Variants in KCNT2 observed in about 807,000 individuals in gnomAD.
The protein encoded by KCNT2 is potassium channel subfamily T member 2.
A neutral mutation model predicts 153.8 loss-of-function variants in KCNT2; 67 were observed. That is an observed-to-expected ratio of 0.44 (90% confidence interval 0.36 to 0.53). The LOEUF (loss-of-function observed/expected upper bound fraction) is 0.53. KCNT2 is among the 20% of genes least tolerant of loss of function. The pLI, the probability that KCNT2 is intolerant of heterozygous loss-of-function variation, is 0.00. For missense variants in KCNT2, 975 were observed against 1,354.8 expected (o/e 0.72, Z 4.40); for synonymous variants, 500 against 458.8 (o/e 1.09, Z -1.15).
intron 14 of KCNT2, 50 bp from the exon 15 acceptor site, chr1:196,342,278 G>A: frequency 6.6e-7 from 1 of 1,512,604 alleles, no homozygotes; most frequent in Non-Finnish European, 9.0e-7. Flanking sequence ...AAAACACAGT[G>A]AATGTGGTTA....
At chr1:196,408,934 T>A (rs1239084918) in intron 12 of KCNT2, among the ~76,000 whole-genome samples, 1 of 151,578 alleles carries the variant, frequency 6.6e-6, no homozygotes, top group Non-Finnish European at 1.5e-5. Context: ...CCTGCATTTT[T>A]ATACAGATTG....
chr1:196,593,566 A>T (rs1046405015), intron 1 of KCNT2, among the ~76,000 whole-genome samples: 10 of 152,048 alleles, frequency 6.6e-5, no homozygotes, highest in Admixed American at 5.2e-4. Context: ...TTTTTGTAAC[A>T]GAAAGGATAA....
chr1:196,569,318 A>T (rs1558088954), intron 1 of KCNT2, among the ~76,000 whole-genome samples: 1 of 152,192 alleles, frequency 6.6e-6, no homozygotes, highest in Non-Finnish European at 1.5e-5. Context: ...AATATTTTTT[A>T]AAAAACACAT....
intron 23 of KCNT2, among the ~76,000 whole-genome samples, chr1:196,284,919 G>T (rs1659518323): frequency 6.6e-6 from 1 of 152,130 alleles, no homozygotes; most frequent in Non-Finnish European, 1.5e-5. Context: ...ATAAAATGCT[G>T]AAATGCTTAA....
In KCNT2 at chr1:196,373,199, G is replaced by A. The variant is rs142018253; in HGVS notation, c.1344C>T (p.Asn448=). 6.3e-7 allele frequency: 1 copy of A among 1,589,736 alleles called. No homozygotes were observed. The highest frequency in any genetic ancestry group is 1.7e-5 in the Admixed American group (1 of 59,622). The change falls in exon 14 of 28, where the codon AAC becomes AAT. Residue 448 remains asparagine (N), a synonymous_variant. Transcript: ENST00000294725. ...EEFKYAMLAL[N]CICPATSTLI... is the part of the protein sequence containing the mutation. ...GTGTAGATGTTGCTGGGCATATACA[G>A]TTTAAAGCTAACATGGCGTATTTAA... is the stretch of plus-strand genomic sequence containing the variant.
intron 8 of KCNT2, among the ~76,000 whole-genome samples, chr1:196,441,985 C>T (rs1358279844): frequency 6.6e-6 from 1 of 151,548 alleles, no homozygotes; most frequent in Admixed American, 6.6e-5. Context: ...TAGATCAAAC[C>T]AGGTGAAAAT....
intron 22 of KCNT2, among the ~76,000 whole-genome samples, chr1:196,303,835 C>T (rs192786938): frequency 1.2e-3 from 184 of 152,264 alleles, no homozygotes; most frequent in Non-Finnish European, 2.0e-3. Context: ...ACCTCACTTC[C>T]CATGAAGGAG....
At chr1:196,501,327 C>T (rs1345649904) in intron 1 of KCNT2, among the ~76,000 whole-genome samples, 5 of 151,970 alleles carry the variant, frequency 3.3e-5, no homozygotes, top group Non-Finnish European at 5.9e-5. Flanking sequence ...TAATGGATGA[C>T]TGGATAAAGA....
chr1:196,541,802 A>T (rs914566594), intron 1 of KCNT2, among the ~76,000 whole-genome samples: 1 of 152,086 alleles, frequency 6.6e-6, no homozygotes, highest in Non-Finnish European at 1.5e-5. Context: ...AGGACATGAG[A>T]TATGCCATAA....
intron 22 of KCNT2, among the ~76,000 whole-genome samples, chr1:196,286,455 A>AT (rs1020617529): frequency 2.6e-5 from 4 of 152,220 alleles, no homozygotes; most frequent in African/African-American, 9.6e-5. Context: ...TCTGGTGTCT[A>AT]TAAGCCACCC....
chr1:196,447,658 T>C (rs1022882335), intron 8 of KCNT2, among the ~76,000 whole-genome samples: 4 of 151,648 alleles, frequency 2.6e-5, no homozygotes, highest in African/African-American at 9.7e-5. Flanking sequence ...ATGGATTGAA[T>C]ACTCAGTGTG....
chr1:196,348,841 C>A (rs1666363780), intron 14 of KCNT2, among the ~76,000 whole-genome samples: 1 of 151,882 alleles, frequency 6.6e-6, no homozygotes, highest in Admixed American at 6.6e-5. Context: ...GCCTGACCAA[C>A]ATGGAGAAAC....
At chr1:196,414,708 G>T (rs1672614572) in intron 12 of KCNT2, among the ~76,000 whole-genome samples, 1 of 151,840 alleles carries the variant, frequency 6.6e-6, no homozygotes, top group Admixed American at 6.6e-5. Flanking sequence ...AGCTTTGATT[G>T]TTATACCTTG....
intron 15 of KCNT2, 105 bp from the exon 16 acceptor site, chr1:196,340,675 C>A: frequency 1.4e-6 from 1 of 697,034 alleles, no homozygotes; most frequent in Non-Finnish European, 2.3e-6. Flanking sequence ...TGAAATGATC[C>A]TAGAAGTTCA....
At chr1:196,334,132 A>C in intron 16 of KCNT2, 72 bp from the exon 17 acceptor site, 1 of 835,718 alleles carries the variant, frequency 1.2e-6, no homozygotes, top group South Asian at 1.5e-5. Flanking sequence ...GGTTACATGA[A>C]ATATGAAATA....
intron 1 of KCNT2, among the ~76,000 whole-genome samples, chr1:196,496,446 C>T (rs1442441939): frequency 4.2e-5 from 6 of 143,558 alleles, no homozygotes; most frequent in Admixed American, 1.4e-4. Context: ...CCAGCCTGGG[C>T]GACAGAGCAA....
chr1:196,469,210 T>C (rs909572000), intron 5 of KCNT2, 142 bp from the exon 6 acceptor site: 2 of 537,260 alleles, frequency 3.7e-6, no homozygotes, highest in Non-Finnish European at 6.8e-6. Flanking sequence ...GATGTAGCAA[T>C]GACTTTTAGA....
chr1:196,334,098 G>A (rs1431951919), intron 16 of KCNT2, 38 bp from the exon 17 acceptor site: 1 of 1,376,662 alleles, frequency 7.3e-7, no homozygotes, highest in South Asian at 1.2e-5. Context: ...CAAGGCGTTT[G>A]CCATATTGAT....
intron 13 of KCNT2, among the ~76,000 whole-genome samples, chr1:196,384,281 A>G (rs1279642679): frequency 6.6e-6 from 1 of 152,178 alleles, no homozygotes; most frequent in Non-Finnish European, 1.5e-5. Context: ...GTTTTGTTTG[A>G]TAAAAATAAA....
Sources: gnomAD v4.1 joint callset for allele counts (sites outside exome capture counted in the v4.1 genomes callset) on GRCh38, gnomAD v4.1.1 for gene constraint, MANE v1.5 for transcripts, NCBI Gene and HGNC (gene_info 2026-07-23, HGNC 2026-07-21) for gene names.